STYK1: variants seen among roughly 807,000 people sequenced by gnomAD.
STYK1 encodes STY kinase 1, also known as tyrosine-protein kinase STYK1.
Under a neutral mutation model 48.1 loss-of-function variants are expected in STYK1, and 46 were observed. The ratio of observed to expected loss-of-function variants is 0.96; its 90% CI spans 0.75 to 1.22. The LOEUF is 1.22. STYK1 is among the 50% of genes most tolerant of loss of function. The probability of loss-of-function intolerance (pLI) is 0.00; values close to 1 mark genes in which losing one functional copy is unlikely to be tolerated. For synonymous variants in STYK1, 188 were observed against 189.0 expected (o/e 0.99, Z 0.04); for missense variants, 527 against 521.1 (o/e 1.01, Z -0.11).
intron 1 of STYK1, among the ~76,000 whole-genome samples, chr12:10,665,367 G>C (rs1323988590): frequency 6.6e-6 from 1 of 152,146 alleles, no homozygotes; most frequent in Non-Finnish European, 1.5e-5. Flanking sequence ...TGTGTACAAG[G>C]GTGCTTTGAA....
intron 1 of STYK1, among the ~76,000 whole-genome samples, chr12:10,669,838 A>G (rs549683189): frequency 1.3e-4 from 20 of 152,370 alleles, no homozygotes; most frequent in African/African-American, 4.8e-4. Flanking sequence ...GACATTTCTC[A>G]AAAGAAGACA....
chr12:10,632,405 C>T (rs1030063620), intron 4 of STYK1, among the ~76,000 whole-genome samples: 13 of 152,100 alleles, frequency 8.5e-5, no homozygotes, highest in African/African-American at 2.2e-4. Flanking sequence ...AAGCAGGGAG[C>T]ATAGCTGCAA....
At chr12:10,620,442 C>A in intron 10 of STYK1, 94 bp from the exon 11 acceptor site, 1 of 1,154,904 alleles carries the variant, frequency 8.7e-7, no homozygotes, top group Non-Finnish European at 1.3e-6. Flanking sequence ...AACAACTCTG[C>A]AATTCTTTAA....
chr12:10,634,444 C>A, intron 3 of STYK1, 123 bp downstream of exon 3: 2 of 1,111,912 alleles, frequency 1.8e-6, no homozygotes, highest in South Asian at 1.4e-5. Context: ...AGTCCCCATC[C>A]TTTTATCACC....
intron 1 of STYK1, among the ~76,000 whole-genome samples, chr12:10,668,539 C>CTT (rs55897413): frequency 0.017 from 791 of 46,452 alleles, 167 homozygotes; most frequent in African/African-American, 0.046. Context: ...CCACACCTGG[C>CTT]TTTTTTTTTT....
At chr12:10,657,594 T>C (rs1469323944) in intron 1 of STYK1, among the ~76,000 whole-genome samples, 1 of 152,230 alleles carries the variant, frequency 6.6e-6, no homozygotes, top group Non-Finnish European at 1.5e-5. Flanking sequence ...TGCTAAATAC[T>C]TTAAGGTCAT....
At chr12:10,635,459 T>A (rs995345024) in intron 2 of STYK1, among the ~76,000 whole-genome samples, 1 of 152,152 alleles carries the variant, frequency 6.6e-6, no homozygotes, top group African/African-American at 2.4e-5. Flanking sequence ...TAATTCCTCA[T>A]CCCTCAGAGC....
chr12:10,670,530 C>T (rs1156299291), intron 1 of STYK1, among the ~76,000 whole-genome samples: 2 of 151,826 alleles, frequency 1.3e-5, no homozygotes, highest in African/African-American at 4.8e-5. Flanking sequence ...AAGTTGAACT[C>T]ATAAAAGTAG....
intron 1 of STYK1, chr12:10,640,557 T>C (rs543683115): frequency 6.6e-6 from 1 of 152,268 alleles, no homozygotes; most frequent in Admixed American, 6.5e-5. Flanking sequence ...GGGATCGAAA[T>C]GAACACTAGA....
intron 1 of STYK1, among the ~76,000 whole-genome samples, chr12:10,644,568 G>A (rs1947579375): frequency 6.6e-6 from 1 of 152,248 alleles, no homozygotes; most frequent in Non-Finnish European, 1.5e-5. Context: ...ATAAATTGCA[G>A]GTGATAATAA....
chr12:10,620,958 TCTATTGTACCTAG>T (rs1453902068), intron 10 of STYK1, among the ~76,000 whole-genome samples: 15 of 151,142 alleles, frequency 9.9e-5, no homozygotes, highest in Non-Finnish European at 1.5e-5. Context: ...TCAATTTTTT[TCTATTGTACCTAG>T]CTCCATCACT....
chr12:10,632,500 C>T (rs930007087), intron 4 of STYK1, among the ~76,000 whole-genome samples: 2 of 152,130 alleles, frequency 1.3e-5, no homozygotes, highest in Admixed American at 6.5e-5. Flanking sequence ...CAGGGAGGCC[C>T]AGATCACATA....
rs1366329841 is a variant in STYK1, at chr12:10,627,684, T to C, written c.674A>G (p.Glu225Gly). 3 of 1,613,902 alleles carry C rather than the reference T, an allele frequency of 1.9e-6. No homozygotes were observed. The highest frequency in any genetic ancestry group is 1.1e-5 in the South Asian group (1 of 90,996). ...CTTTCCGATGTGATATACTTGTTTT[T>C]CTGTGAGATCATAGAGAAGACCATC... ...TMDGLLYDLT[E>G]KQVYHIGKQV... Residue 225 changes from glutamate to glycine, a missense_variant, in exon 7 of 11, where the codon GAA (glutamate) becomes GGA (glycine). By Grantham distance (98) the Glu-to-Gly change is moderately conservative (BLOSUM62 -2). Transcript: ENST00000075503.
At chr12:10,667,038 CTT>C (rs1947841081) in intron 1 of STYK1, among the ~76,000 whole-genome samples, 1 of 152,144 alleles carries the variant, frequency 6.6e-6, no homozygotes, top group Non-Finnish European at 1.5e-5. Flanking sequence ...AGAATTCTAA[CTT>C]AGCCTAGAAT....
rs748089730 is a variant in STYK1, at chr12:10,622,772, T to C, written c.927-94A>G. ...TCAGAAGCCTTTAATAAGAGCCCCA[T>C]GAAAAAGGCAATGAAGGAGAATCAA... On this transcript the variant is annotated intron_variant, in intron 8 of 10. Transcript: ENST00000075503. 43 of 1,443,846 alleles carry C rather than the reference T, an allele frequency of 3.0e-5. No individual in the cohort carries two copies. The African/African-American group carries it at 5.7e-4, about 19-fold the overall frequency. The allele number at this position is 1,443,846 out of a possible 1,614,324, so 89.4% of individuals were successfully genotyped here.
intron 4 of STYK1, among the ~76,000 whole-genome samples, chr12:10,631,579 T>C (rs776159657): frequency 6.6e-6 from 1 of 152,214 alleles, no homozygotes; most frequent in African/African-American, 2.4e-5. Flanking sequence ...TGGGTTACAA[T>C]TGAGTACTTC....
At chr12:10,630,385 C>CAAAAAAAAAAA (rs35704937) in intron 5 of STYK1, among the ~76,000 whole-genome samples, 2 of 48,588 alleles carry the variant, frequency 4.1e-5, no homozygotes, top group Non-Finnish European at 7.3e-5. Flanking sequence ...CACTCTGTCT[C>CAAAAAAAAAAA]AAAAAAAAAA....
intron 1 of STYK1, among the ~76,000 whole-genome samples, chr12:10,655,367 T>C (rs1947706845): frequency 6.6e-6 from 1 of 152,222 alleles, no homozygotes; most frequent in Admixed American, 6.5e-5. Context: ...CTAAAAATTG[T>C]TTTGAGCAGT....
In STYK1 at chr12:10,662,096, A is replaced by G. The variant is rs553072675; in HGVS notation, c.-195+11870T>C. 1.4e-3 allele frequency among the ~76,000 whole-genome samples: 211 copies of G among 152,348 alleles called. 1 individual carries two copies. Among genetic ancestry groups the G allele is most frequent in the African/African-American group, 5.0e-3 (206 of 41,594 alleles). On this transcript the variant is annotated intron_variant, in intron 1 of 10. Transcript: ENST00000075503. ...GATTCACCTATTCAGGACATTTCAT[A>G]TAAATTGACTCATACAGTATGTGGA...
Sources: allele counts gnomAD v4.1 joint callset (sites outside exome capture counted in the v4.1 genomes callset), GRCh38; gene constraint gnomAD v4.1.1; transcripts MANE v1.5; gene names NCBI Gene and HGNC (gene_info 2026-07-23, HGNC 2026-07-21).